The following SLC13A3 variants were observed in gnomAD, a reference collection of about 807,000 sequenced individuals.
SLC13A3 encodes solute carrier family 13 member 3, also known as Na(+)/dicarboxylate cotransporter 3.
A neutral mutation model predicts 59.0 loss-of-function variants in SLC13A3; 40 were observed. The observed-to-expected ratio is 0.68, with a 90% CI of 0.53 to 0.88. SLC13A3 has a LOEUF of 0.88. Among genes scored for constraint, SLC13A3 ranks in the 40% least tolerant of loss-of-function variants. The probability of loss-of-function intolerance (pLI) is 0.00; values close to 1 mark genes in which losing one functional copy is unlikely to be tolerated. For missense variants in SLC13A3, 699 were observed against 783.2 expected, an observed-to-expected ratio of 0.89 and a Z score of 1.28; for synonymous variants, 317 against 330.3, an observed-to-expected ratio of 0.96 and a Z score of 0.44.
At chr20:46,638,439 G>A (rs553071946) in intron 1 of SLC13A3, among the ~76,000 whole-genome samples, 1 of 152,328 alleles carries the variant, frequency 6.6e-6, no homozygotes, top group African/African-American at 2.4e-5. Flanking sequence ...CGTGGGCGGC[G>A]GCGAACAAGG....
chr20:46,636,507 C>T (rs1053390484), intron 1 of SLC13A3, among the ~76,000 whole-genome samples: 1 of 152,222 alleles, frequency 6.6e-6, no homozygotes, highest in African/African-American at 2.4e-5. Flanking sequence ...GGATTAAGCA[C>T]CTGTTGTGCA....
Position 46,615,643 on chromosome 20 carries a change from T to C in SLC13A3, c.112-1918A>G, listed in dbSNP as rs1336681593. 3.9e-5 allele frequency among the ~76,000 whole-genome samples: 6 copies of C among 152,172 alleles called. No homozygotes were observed. In the East Asian group the frequency reaches 1.2e-3, roughly 29 times the overall value. Reference sequence around the variant, plus strand: ...ACCAAGGGCAATTCCAAGTTGTTGGTCTCAGGGAAGGTGGGGTTGTCATTT... The same window carrying C: ...ACCAAGGGCAATTCCAAGTTGTTGGCCTCAGGGAAGGTGGGGTTGTCATTT... On this transcript the variant is annotated intron_variant, in intron 1 of 12. Coordinates refer to ENST00000279027, the MANE Select transcript of SLC13A3 (RefSeq NM_022829.6).
At chr20:46,603,603 G>C (rs566415357) in intron 3 of SLC13A3, among the ~76,000 whole-genome samples, 8 of 150,936 alleles carry the variant, frequency 5.3e-5, no homozygotes, top group African/African-American at 1.9e-4. Context: ...GCCCAGGCTG[G>C]TCTCTAACTC....
intron 12 of SLC13A3, among the ~76,000 whole-genome samples, chr20:46,562,331 G>A (rs2061938326): frequency 1.3e-5 from 2 of 152,048 alleles, no homozygotes; most frequent in South Asian, 4.1e-4. Context: ...CAGCCTCCTG[G>A]CCCTGAATTT....
At chr20:46,599,444 G>A (rs2062350570) in intron 4 of SLC13A3, among the ~76,000 whole-genome samples, 1 of 152,244 alleles carries the variant, frequency 6.6e-6, no homozygotes, top group African/African-American at 2.4e-5. Context: ...GTATGGAGCA[G>A]AGCCAGAGTT....
intron 8 of SLC13A3, chr20:46,585,523 T>C (rs1568921153): frequency 2.0e-6 from 2 of 1,024,994 alleles, no homozygotes; most frequent in Non-Finnish European, 2.4e-6. Context: ...TTCATTGAGG[T>C]ATAATTAACA....
At chr20:46,572,157 G>A (rs770650875) in intron 10 of SLC13A3, among the ~76,000 whole-genome samples, 63 of 152,250 alleles carry the variant, frequency 4.1e-4, no homozygotes, top group Middle Eastern at 3.4e-3. Flanking sequence ...CAGAATGAGC[G>A]CTGGGAGCCC....
intron 1 of SLC13A3, among the ~76,000 whole-genome samples, chr20:46,663,363 T>A (rs2063042692): frequency 6.6e-6 from 1 of 151,548 alleles, no homozygotes; most frequent in Non-Finnish European, 1.5e-5. Flanking sequence ...GAGGATTGAT[T>A]AAGCCCAGGA....
chr20:46,589,119 T>G, intron 7 of SLC13A3, 41 bp downstream of exon 7: 1 of 1,569,172 alleles, frequency 6.4e-7, no homozygotes, highest in Non-Finnish European at 8.8e-7. Flanking sequence ...CCTGAGCGTT[T>G]AATACTCAGC....
At chr20:46,679,174 T>G (rs2063141439) in intron 1 of SLC13A3, among the ~76,000 whole-genome samples, 1 of 152,202 alleles carries the variant, frequency 6.6e-6, no homozygotes, top group South Asian at 2.1e-4. Context: ...ACATGCCCAT[T>G]CCTAATCAGG....
chr20:46,679,442 G>A (rs1485539229), intron 1 of SLC13A3, among the ~76,000 whole-genome samples: 5 of 151,948 alleles, frequency 3.3e-5, no homozygotes, highest in East Asian at 1.9e-4. Flanking sequence ...GTGAAACCCC[G>A]TCTCTACTAA....
chr20:46,568,527 A>C (rs180778514), intron 10 of SLC13A3, among the ~76,000 whole-genome samples: 9 of 152,286 alleles, frequency 5.9e-5, no homozygotes, highest in Non-Finnish European at 1.3e-4. Flanking sequence ...AAATGCTTAA[A>C]AATATTTGTC....
intron 1 of SLC13A3, among the ~76,000 whole-genome samples, chr20:46,679,164 A>G (rs1568968860): frequency 6.6e-6 from 1 of 152,186 alleles, no homozygotes; most frequent in Non-Finnish European, 1.5e-5. Flanking sequence ...GGCCTAATAC[A>G]CATGCCCATT....
chr20:46,629,296 G>A (rs1164972911), intron 1 of SLC13A3, among the ~76,000 whole-genome samples: 1 of 151,960 alleles, frequency 6.6e-6, no homozygotes, highest in Non-Finnish European at 1.5e-5. Flanking sequence ...ACCCCTTATA[G>A]CTCACTTGAA....
In SLC13A3 at chr20:46,563,557, C is replaced by T; in HGVS notation, c.1495-6G>A. The T allele has an allele frequency of 3.7e-6, 6 of 1,611,652 alleles. No individual in the cohort carries two copies. The highest frequency in any genetic ancestry group is 5.1e-6 in the Non-Finnish European group (6 of 1,179,198). ...TGCACTCTCAGGCGGATGGCCTGGG[C>T]CAGGAAAAGGTGGGAGAGACCCGGA... On this transcript the variant is annotated splice_polypyrimidine_tract_variant and splice_region_variant and intron_variant, in intron 11 of 12. Transcript: ENST00000279027.
chr20:46,580,646 C>T (rs2062127178), intron 9 of SLC13A3, among the ~76,000 whole-genome samples: 1 of 152,010 alleles, frequency 6.6e-6, no homozygotes, highest in African/African-American at 2.4e-5. Context: ...AAGTAAGGCT[C>T]AGACAATATA....
At chr20:46,641,030 A>T (rs2062841828) in intron 1 of SLC13A3, among the ~76,000 whole-genome samples, 1 of 152,142 alleles carries the variant, frequency 6.6e-6, no homozygotes, top group Admixed American at 6.5e-5. Context: ...GGGATGGGGC[A>T]ATGGGTCAAA....
At chr20:46,666,306 C>T (rs2063062147) in intron 1 of SLC13A3, among the ~76,000 whole-genome samples, 1 of 152,242 alleles carries the variant, frequency 6.6e-6, no homozygotes, top group African/African-American at 2.4e-5. Flanking sequence ...TTTAAGACCT[C>T]ATCACCTATA....
chr20:46,593,081 CGAT>C (rs2062276535), intron 5 of SLC13A3, among the ~76,000 whole-genome samples: 3 of 152,186 alleles, frequency 2.0e-5, no homozygotes, highest in African/African-American at 7.2e-5. Flanking sequence ...ATGGTGATGT[CGAT>C]GAGTTCTTTC....
Sources: allele counts gnomAD v4.1 joint callset (sites outside exome capture counted in the v4.1 genomes callset), GRCh38; gene constraint gnomAD v4.1.1; transcripts MANE v1.5; gene names NCBI Gene and HGNC (gene_info 2026-07-23, HGNC 2026-07-21).